The following TENM4 variants were observed in gnomAD, a reference collection of about 807,000 sequenced individuals.
TENM4 encodes teneurin transmembrane protein 4, also known as teneurin-4.
In TENM4, 82 loss-of-function variants were observed where a neutral mutation model predicts 243.3. That is an observed-to-expected ratio of 0.34 (90% CI 0.28 to 0.40). TENM4 has a LOEUF of 0.40. TENM4 is among the 10% of genes least tolerant of loss of function. The pLI, the probability that TENM4 is intolerant of heterozygous loss-of-function variation, is 1.00. For missense variants in TENM4, 3,138 were observed against 3,673.3 expected (o/e 0.85, Z 3.77); for synonymous variants, 1,412 against 1,456.3 (o/e 0.97, Z 0.69).
At chr11:79,077,643 C>A (rs1486666405) in intron 4 of TENM4, among the ~76,000 whole-genome samples, 1 of 152,118 alleles carries the variant, frequency 6.6e-6, no homozygotes, top group African/African-American at 2.4e-5. Flanking sequence ...TGTCCTAGAT[C>A]ACAGCATGGA....
At chr11:79,189,334 C>T (rs1863435779) in intron 3 of TENM4, among the ~76,000 whole-genome samples, 1 of 152,228 alleles carries the variant, frequency 6.6e-6, no homozygotes, top group Admixed American at 6.5e-5. Flanking sequence ...CACCATCTCT[C>T]TGTGTTCCCA....
chr11:79,340,462 T>A (rs1444620272), intron 1 of TENM4, among the ~76,000 whole-genome samples: 1 of 152,062 alleles, frequency 6.6e-6, no homozygotes, highest in Non-Finnish European at 1.5e-5. Context: ...AAAATGATAC[T>A]CTTGAGGCTG....
chr11:79,260,829 T>G (rs950995867), intron 2 of TENM4, among the ~76,000 whole-genome samples: 1 of 152,194 alleles, frequency 6.6e-6, no homozygotes, highest in African/African-American at 2.4e-5. Context: ...GAGGTTCTTC[T>G]GGGGATCCAA....
At chr11:79,204,116 G>A (rs1352300584) in intron 3 of TENM4, among the ~76,000 whole-genome samples, 1 of 152,198 alleles carries the variant, frequency 6.6e-6, no homozygotes, top group Admixed American at 6.5e-5. Context: ...GGAGGCATTA[G>A]GTTAGGAAGA....
chr11:78,789,311 G>A (rs1018389845), intron 15 of TENM4, among the ~76,000 whole-genome samples: 1 of 152,196 alleles, frequency 6.6e-6, no homozygotes, highest in African/African-American at 2.4e-5. Context: ...TCCCACGTGA[G>A]GACAGGGCTG....
intron 23 of TENM4, among the ~76,000 whole-genome samples, 194 bp from the exon 24 acceptor site, chr11:78,723,111 T>C (rs1442386132): frequency 1.3e-5 from 2 of 152,214 alleles, no homozygotes; most frequent in Admixed American, 6.5e-5. Flanking sequence ...CAGATTTAAT[T>C]CACTCCATAG....
chr11:79,145,248 T>C (rs535650595), intron 4 of TENM4, among the ~76,000 whole-genome samples: 2 of 152,218 alleles, frequency 1.3e-5, no homozygotes, highest in African/African-American at 4.8e-5. Flanking sequence ...TATTGAAGTA[T>C]GACTTAAGTA....
At chr11:78,727,579 A>G (rs558293402) in intron 22 of TENM4, among the ~76,000 whole-genome samples, 3 of 152,346 alleles carry the variant, frequency 2.0e-5, no homozygotes, top group Middle Eastern at 3.4e-3. Context: ...AAAAATGTTT[A>G]AAGTCATTTA....
intron 2 of TENM4, among the ~76,000 whole-genome samples, chr11:79,272,105 T>C (rs942305697): frequency 3.9e-5 from 6 of 152,140 alleles, no homozygotes; most frequent in African/African-American, 1.4e-4. Flanking sequence ...GACTCTAAAG[T>C]CACAAAGTGC....
intron 4 of TENM4, chr11:79,093,300 A>C (rs1236878534): frequency 6.6e-6 from 1 of 152,226 alleles, no homozygotes. Context: ...GGACTGGCAG[A>C]GGGAGCTTGG....
chr11:79,154,342 A>T (rs961866243), intron 3 of TENM4, among the ~76,000 whole-genome samples: 5 of 151,652 alleles, frequency 3.3e-5, no homozygotes, highest in Non-Finnish European at 5.9e-5. Context: ...TCTCACATAA[A>T]CTCATAGAGT....
chr11:79,424,463 C>T (rs1028729580), intron 1 of TENM4, among the ~76,000 whole-genome samples: 2 of 152,084 alleles, frequency 1.3e-5, no homozygotes, highest in African/African-American at 4.8e-5. Flanking sequence ...CAAAAATTAG[C>T]CAGGTATGAT....
intron 4 of TENM4, among the ~76,000 whole-genome samples, chr11:79,078,629 G>C (rs1357992715): frequency 6.6e-6 from 1 of 152,206 alleles, no homozygotes; most frequent in East Asian, 1.9e-4. Context: ...TCTGAGGTCT[G>C]TACTCTCTGT....
intron 26 of TENM4, 140 bp from the exon 27 acceptor site, chr11:78,708,655 A>C: frequency 9.0e-6 from 9 of 999,902 alleles, no homozygotes; most frequent in Non-Finnish European, 1.2e-5. Context: ...TCCTCTCTCA[A>C]AGAGGAGGAG....
At chr11:78,983,416 T>A (rs1857847320) in intron 6 of TENM4, among the ~76,000 whole-genome samples, 1 of 152,258 alleles carries the variant, frequency 6.6e-6, no homozygotes, top group African/African-American at 2.4e-5. Context: ...CTACTGCTAT[T>A]GTCACAAGTC....
At chr11:79,402,077 C>T (rs1454969794) in intron 1 of TENM4, 1 of 433,818 alleles carries the variant, frequency 2.3e-6, no homozygotes, top group Non-Finnish European at 5.0e-6. Flanking sequence ...GTCATTTACC[C>T]CCAGCTAGAT....
intron 6 of TENM4, among the ~76,000 whole-genome samples, chr11:78,955,944 G>A (rs1485216894): frequency 6.6e-6 from 1 of 152,150 alleles, no homozygotes; most frequent in Non-Finnish European, 1.5e-5. Flanking sequence ...ATTAAGGGAG[G>A]CACCTGGTAG....
chr11:78,929,702 CAGCCA>C (rs138149368), intron 6 of TENM4, among the ~76,000 whole-genome samples: 2,621 of 152,252 alleles, frequency 0.017, 54 homozygotes, highest in Middle Eastern at 0.058. Flanking sequence ...TGCATAAATA[CAGCCA>C]AGCCAAGCTT....
At chr11:79,031,912 C>A (rs1425503789) in intron 6 of TENM4, among the ~76,000 whole-genome samples, 1 of 152,166 alleles carries the variant, frequency 6.6e-6, no homozygotes, top group African/African-American at 2.4e-5. Flanking sequence ...TGGGCCAGAG[C>A]CAGGGATGCC....
Sources: allele counts gnomAD v4.1 joint callset (sites outside exome capture counted in the v4.1 genomes callset), GRCh38; gene constraint gnomAD v4.1.1; transcripts MANE v1.5; gene names NCBI Gene and HGNC (gene_info 2026-07-23, HGNC 2026-07-21).